Variants in CNTLN observed in about 807,000 individuals in gnomAD.
CNTLN encodes the protein centlein.
A neutral mutation model predicts 180.0 loss-of-function variants in CNTLN; 212 were observed. The ratio of observed to expected loss-of-function variants is 1.18; its 90% CI spans 1.05 to 1.32. The LOEUF (loss-of-function observed/expected upper bound fraction) is 1.32. Ranked by LOEUF, CNTLN falls within the 40% of genes most tolerant of loss-of-function variation. The probability of loss-of-function intolerance (pLI) is 0.00; values close to 1 mark genes in which losing one functional copy is unlikely to be tolerated. For synonymous variants in CNTLN, 722 were observed against 563.1 expected (o/e 1.28, Z -3.99); for missense variants, 2,095 against 1,610.9 (o/e 1.30, Z -5.14).
rs548968866 is a variant in CNTLN at position 17,319,130 on chromosome 9, G to T, written c.1341+9878G>T. 1.1e-4 allele frequency among the ~76,000 whole-genome samples: 17 copies of T among 152,314 alleles called. No homozygotes were observed. In the East Asian group the frequency reaches 3.3e-3, roughly 29 times the overall value. The stretch of plus-strand genomic sequence containing the variant: ...CCAAAGCTTTCACAGAGAAAACAAC[G>T]TATGTCATTTTGTTAAGGGCTTTCT... On this transcript the variant is annotated intron_variant, in intron 8 of 25. Transcript: ENST00000380647.
chr9:17,223,902 G>C (rs80236248), intron 2 of CNTLN, among the ~76,000 whole-genome samples: 1 of 151,780 alleles, frequency 6.6e-6, no homozygotes, highest in Non-Finnish European at 1.5e-5. Context: ...GTGTACTTCC[G>C]TGCTGTTCTT....
At chr9:17,493,379 G>C (rs979254940) in intron 25 of CNTLN, among the ~76,000 whole-genome samples, 3 of 152,016 alleles carry the variant, frequency 2.0e-5, no homozygotes, top group Non-Finnish European at 4.4e-5. Flanking sequence ...AAATAGTATA[G>C]TCAAATATAG....
intron 2 of CNTLN, among the ~76,000 whole-genome samples, chr9:17,222,557 G>A (rs1486172025): frequency 4.0e-5 from 6 of 151,868 alleles, no homozygotes; most frequent in Non-Finnish European, 8.8e-5. Context: ...TTCTCTTGCC[G>A]CTGCCATGTG....
intron 5 of CNTLN, among the ~76,000 whole-genome samples, chr9:17,242,649 T>C (rs1825565889): frequency 6.6e-6 from 1 of 152,222 alleles, no homozygotes; most frequent in Non-Finnish European, 1.5e-5. Flanking sequence ...ATGTATCTCA[T>C]GATGTATCCC....
chr9:17,225,684 G>C (rs896205306), intron 2 of CNTLN, among the ~76,000 whole-genome samples: 2 of 151,782 alleles, frequency 1.3e-5, no homozygotes, highest in African/African-American at 4.8e-5. Flanking sequence ...GTGATTTTCT[G>C]TTTCCCAGAG....
chr9:17,527,200 A>G, the CNTLN span, among the ~76,000 whole-genome samples: 1 of 152,036 alleles, frequency 6.6e-6, no homozygotes, highest in Non-Finnish European at 1.5e-5. Flanking sequence ...TTCTTATAAA[A>G]AGCTTTCCCT....
In CNTLN at chr9:17,464,481, CTTT is replaced by C; in HGVS notation, c.3405-7_3405-5del. On this transcript the variant is annotated splice_polypyrimidine_tract_variant and intron_variant, in intron 20 of 25. Coordinates refer to ENST00000380647, the MANE Select transcript of CNTLN (RefSeq NM_017738.4). ...TATTTTCTGTCACTCTTGATGTCAC[CTTT>C]TTTTTTTTCAAGGATATCTCGAATG... 8.7e-7 allele frequency: 1 copy of C among 1,148,078 alleles called. No individual in the cohort carries two copies. The highest frequency in any genetic ancestry group is 1.2e-6 in the Non-Finnish European group (1 of 850,942). 71.1% of individuals were successfully genotyped at this position (1,148,078 alleles called of 1,614,324 possible).
intron 2 of CNTLN, among the ~76,000 whole-genome samples, chr9:17,202,215 CTGTT>C (rs1383301791): frequency 1.3e-5 from 2 of 152,118 alleles, no homozygotes; most frequent in East Asian, 3.8e-4. Flanking sequence ...ATTATGATTT[CTGTT>C]TGTTTGCATT....
chr9:17,138,547 A>G (rs1817873386), intron 1 of CNTLN, among the ~76,000 whole-genome samples: 1 of 152,208 alleles, frequency 6.6e-6, no homozygotes, highest in South Asian at 2.1e-4. Flanking sequence ...AAAGAAAAAC[A>G]AATTTGAGAA....
At chr9:17,410,453 A>T (rs1827760272) in intron 16 of CNTLN, among the ~76,000 whole-genome samples, 1 of 152,112 alleles carries the variant, frequency 6.6e-6, no homozygotes. Context: ...TTTGTGGGTT[A>T]TGTATTGTAG....
intron 5 of CNTLN, among the ~76,000 whole-genome samples, chr9:17,260,256 G>A (rs1414148808): frequency 6.7e-6 from 1 of 149,992 alleles, no homozygotes; most frequent in Non-Finnish European, 1.5e-5. Flanking sequence ...TCAGGAGCAG[G>A]TTGTTCAGTT....
intron 15 of CNTLN, among the ~76,000 whole-genome samples, chr9:17,397,929 T>G (rs1044711415): frequency 1.2e-4 from 18 of 152,340 alleles, no homozygotes; most frequent in African/African-American, 3.4e-4. Context: ...GGCTAGAAAT[T>G]CTTGCACTAG....
intron 12 of CNTLN, among the ~76,000 whole-genome samples, chr9:17,345,215 G>A (rs1224279996): frequency 6.6e-6 from 1 of 152,124 alleles, no homozygotes; most frequent in Admixed American, 6.6e-5. Flanking sequence ...TAAGGGAAAT[G>A]CCCAGGAGTT....
chr9:17,174,345 G>A (rs779994542), intron 2 of CNTLN, among the ~76,000 whole-genome samples: 7 of 152,084 alleles, frequency 4.6e-5, no homozygotes, highest in Non-Finnish European at 7.4e-5. Flanking sequence ...ATTTATCTGG[G>A]ATAAATGGCC....
chr9:17,143,449 A>G (rs1057416757), intron 2 of CNTLN, 73 bp downstream of exon 2: 2 of 1,029,542 alleles, frequency 1.9e-6, no homozygotes, highest in Non-Finnish European at 3.0e-6. Context: ...TAAAGTTAGT[A>G]CTTATCATTA....
chr9:17,332,862 T>C, intron 10 of CNTLN, 132 bp downstream of exon 10: 2 of 474,118 alleles, frequency 4.2e-6, no homozygotes, highest in Admixed American at 4.6e-5. Flanking sequence ...AAGTGTATAA[T>C]CAGTTCATCT....
chr9:17,525,700 A>C, the CNTLN span, among the ~76,000 whole-genome samples: 1 of 152,194 alleles, frequency 6.6e-6, no homozygotes, highest in Non-Finnish European at 1.5e-5. Context: ...TGTAAATAAA[A>C]AATATGTTAG....
intron 2 of CNTLN, among the ~76,000 whole-genome samples, chr9:17,166,193 C>G (rs961950142): frequency 6.6e-6 from 1 of 151,754 alleles, no homozygotes; most frequent in Non-Finnish European, 1.5e-5. Context: ...GGATGTGAAA[C>G]ATGAACAGGT....
At chr9:17,344,591 A>T (rs1452571275) in intron 12 of CNTLN, among the ~76,000 whole-genome samples, 1 of 152,166 alleles carries the variant, frequency 6.6e-6, no homozygotes. Context: ...CTTACATGGA[A>T]ACATGTTTAG....
Sources: allele counts gnomAD v4.1 joint callset (sites outside exome capture counted in the v4.1 genomes callset), GRCh38; gene constraint gnomAD v4.1.1; transcripts MANE v1.5; gene names NCBI Gene and HGNC (gene_info 2026-07-23, HGNC 2026-07-21).